SPATA3: variants seen among roughly 807,000 people sequenced by gnomAD.
SPATA3 encodes the protein spermatogenesis-associated protein 3.
A neutral mutation model predicts 5.7 loss-of-function variants in SPATA3; 6 were observed. The ratio of observed to expected loss-of-function variants is 1.06; its 90% confidence interval spans 0.58 to 2.09. The LOEUF (loss-of-function observed/expected upper bound fraction) is 2.09, where lower values mean the gene tolerates loss of function less well. Among genes scored for constraint, SPATA3 ranks in the 30% most tolerant of loss-of-function variants. SPATA3 has a pLI of 0.00. For missense variants in SPATA3, 155 were observed against 130.4 expected (o/e 1.19, Z -0.92); for synonymous variants, 44 against 48.4 (o/e 0.91, Z 0.37).
At chr2:231,017,500 T>C (rs572350588) in intron 6 of SPATA3, among the ~76,000 whole-genome samples, 33 of 152,310 alleles carry the variant, frequency 2.2e-4, no homozygotes, top group African/African-American at 6.7e-4. Flanking sequence ...TCCCCACCAA[T>C]GACTGGGCCC....
At chr2:230,997,624 C>G (rs1692176874) in intron 1 of SPATA3, among the ~76,000 whole-genome samples, 1 of 152,214 alleles carries the variant, frequency 6.6e-6, no homozygotes, top group Non-Finnish European at 1.5e-5. Context: ...TGACAGAAAG[C>G]CTTCGGCTCA....
chr2:231,011,982 G>C (rs1209053941), downstream of SPATA3, among the ~76,000 whole-genome samples: 1 of 152,224 alleles, frequency 6.6e-6, no homozygotes, highest in Non-Finnish European at 1.5e-5. Context: ...AACTGGAAAA[G>C]TGCCCTTGCC....
downstream of SPATA3, chr2:231,002,943 C>T (rs2271371): frequency 0.38 from 168,179 of 447,446 alleles, 32,195 homozygotes; most frequent in South Asian, 0.45. Context: ...CAGGGTCAGC[C>T]GGCATGGCCC....
chr2:230,999,264 A>G (rs1233276970), intron 1 of SPATA3, among the ~76,000 whole-genome samples: 1 of 152,016 alleles, frequency 6.6e-6, no homozygotes, highest in African/African-American at 2.4e-5. Context: ...GCTCATGGAG[A>G]TGGGGTTTCT....
chr2:231,002,734 C>G (rs1485052921), exon 3 of SPATA3: 1 of 1,533,504 alleles, frequency 6.5e-7, no homozygotes, highest in Admixed American at 2.0e-5. Flanking sequence ...CCTCCAAGCC[C>G]TCGGAACTGT....
chr2:231,015,679 C>T (rs1050435654), intron 6 of SPATA3, among the ~76,000 whole-genome samples: 1 of 152,196 alleles, frequency 6.6e-6, no homozygotes, highest in African/African-American at 2.4e-5. Flanking sequence ...CCTCTGGGCC[C>T]CTAGGCACCC....
rs547643144 is a variant in SPATA3 at position 230,996,946 on chromosome 2, A to G, written c.791-3420A>G. On this transcript the variant is annotated intron_variant, in intron 1 of 2. Coordinates refer to ENST00000645363, the Ensembl canonical transcript of SPATA3. Reference sequence around the variant, plus strand: ...CCTTTTGGGCTGTAAAAGATGCCTGACAAACTAGTCCAAGGAAGATAGTCT... The same window carrying G: ...CCTTTTGGGCTGTAAAAGATGCCTGGCAAACTAGTCCAAGGAAGATAGTCT... Among the ~76,000 whole-genome samples, 181 of 152,342 alleles carry G rather than the reference A, an allele frequency of 1.2e-3. 3 individuals carry two copies. The highest frequency in any genetic ancestry group is 4.7e-3 in the Admixed American group (72 of 15,306).
At chr2:230,999,461 C>G (rs970864180) in intron 1 of SPATA3, 21 of 152,046 alleles carry the variant, frequency 1.4e-4, no homozygotes, top group African/African-American at 4.6e-4. Context: ...CTCCTCATTC[C>G]GGGAAAGTAC....
exon 6 of SPATA3, chr2:231,014,027 A>G (rs1692862592): frequency 6.6e-6 from 1 of 152,034 alleles, no homozygotes; most frequent in African/African-American, 2.4e-5. Context: ...TGCACCTCGA[A>G]TAAAGGCCAG....
chr2:231,011,818 A>G (rs1692795637), downstream of SPATA3, among the ~76,000 whole-genome samples: 1 of 152,192 alleles, frequency 6.6e-6, no homozygotes, highest in African/African-American at 2.4e-5. Flanking sequence ...CCATCAGAGG[A>G]AGGACAGCAC....
chr2:231,011,072 C>CAAAAAAAAAAAAAAAAAAAAAAA (rs556496371), downstream of SPATA3, among the ~76,000 whole-genome samples: 39 of 79,810 alleles, frequency 4.9e-4, no homozygotes, highest in Admixed American at 8.1e-4. Context: ...GACCCTGTCT[C>CAAAAAAAAAAAAAAAAAAAAAAA]AAAAAAAAAA....
chr2:231,014,556 G>T (rs1692879209), intron 6 of SPATA3, among the ~76,000 whole-genome samples: 1 of 152,124 alleles, frequency 6.6e-6, no homozygotes, highest in Admixed American at 6.5e-5. Flanking sequence ...TGGCTTTGAG[G>T]GGCATCCTGG....
intron 1 of SPATA3, among the ~76,000 whole-genome samples, chr2:230,997,335 C>A (rs2125090950): frequency 6.6e-6 from 1 of 152,324 alleles, no homozygotes; most frequent in African/African-American, 2.4e-5. Flanking sequence ...TCACCTTCCA[C>A]CATGATTGTG....
In SPATA3 at chr2:230,996,541, T is replaced by C; in HGVS notation, c.791-3825T>C. On this transcript the variant is annotated intron_variant, in intron 1 of 2. Transcript: ENST00000645363. ...CCTCAATCCAGGAAAGCAGGTGGGCTGTCTTCTAGCTTCAGCAGTTCCAGC... is the reference window on the plus strand; with the variant it reads ...CCTCAATCCAGGAAAGCAGGTGGGCCGTCTTCTAGCTTCAGCAGTTCCAGC... 6.4e-7 allele frequency: 1 copy of C among 1,551,218 alleles called. No individual in the cohort carries two copies. The highest frequency in any genetic ancestry group is 8.7e-7 in the Non-Finnish European group (1 of 1,146,650).
chr2:231,011,264 G>A (rs1162721632), downstream of SPATA3, among the ~76,000 whole-genome samples: 2 of 151,950 alleles, frequency 1.3e-5, no homozygotes, highest in Non-Finnish European at 2.9e-5. Flanking sequence ...ACAAGCATAC[G>A]CCACCACATC....
chr2:231,014,603 C>T (rs1461748687), intron 6 of SPATA3, among the ~76,000 whole-genome samples: 1 of 152,094 alleles, frequency 6.6e-6, no homozygotes, highest in Non-Finnish European at 1.5e-5. Context: ...CTCAGCTCTG[C>T]AATCCCAGGT....
chr2:231,003,581 C>A (rs1050117483), downstream of SPATA3, among the ~76,000 whole-genome samples: 4 of 152,134 alleles, frequency 2.6e-5, no homozygotes, highest in Non-Finnish European at 5.9e-5. Flanking sequence ...GAGAGACTTG[C>A]CCTCTGGTGC....
At chr2:231,018,928 C>T (rs1486008527) in intron 6 of SPATA3, among the ~76,000 whole-genome samples, 1 of 151,606 alleles carries the variant, frequency 6.6e-6, no homozygotes, top group Non-Finnish European at 1.5e-5. Flanking sequence ...TCAGGTGATC[C>T]ACCCGCCTCA....
intron 2 of SPATA3, 95 bp downstream of exon 2, chr2:231,000,632 T>C (rs892782712): frequency 2.5e-6 from 3 of 1,210,046 alleles, no homozygotes; most frequent in Non-Finnish European, 2.2e-6. Flanking sequence ...TCACTTCCTC[T>C]TGGGAATCCC....
Sources: allele counts gnomAD v4.1 joint callset (sites outside exome capture counted in the v4.1 genomes callset), GRCh38; gene constraint gnomAD v4.1.1; transcripts MANE v1.5; gene names NCBI Gene and HGNC (gene_info 2026-07-23, HGNC 2026-07-21).